The following VIT variants were observed in gnomAD, a reference collection of about 807,000 sequenced individuals.
VIT encodes the protein vitrin.
In VIT, 99 loss-of-function variants were observed where a neutral mutation model predicts 78.0. That is an observed-to-expected ratio of 1.27 (90% CI 1.08 to 1.50). The LOEUF (loss-of-function observed/expected upper bound fraction) is 1.50. Ranked by LOEUF, VIT falls within the 40% of genes most tolerant of loss-of-function variation. The pLI is 0.00. For missense variants in VIT, 1,126 were observed against 875.3 expected (o/e 1.29, Z -3.61); for synonymous variants, 374 against 334.3 (o/e 1.12, Z -1.29).
intron 7 of VIT, among the ~76,000 whole-genome samples, chr2:36,768,043 A>G (rs951451934): frequency 3.3e-5 from 5 of 152,160 alleles, no homozygotes; most frequent in Admixed American, 6.5e-5. Flanking sequence ...GCTCGCCTCC[A>G]GCTTGCAGTC....
intron 14 of VIT, 115 bp downstream of exon 14, chr2:36,805,779 G>C: frequency 8.8e-7 from 1 of 1,136,836 alleles, no homozygotes; most frequent in Non-Finnish European, 1.2e-6. Flanking sequence ...CTCATCTCTA[G>C]GCAGTAAGGC....
chr2:36,749,154 A>G (rs1668311086), intron 4 of VIT, among the ~76,000 whole-genome samples: 1 of 152,224 alleles, frequency 6.6e-6, no homozygotes, highest in Non-Finnish European at 1.5e-5. Flanking sequence ...AAAGTTCTTG[A>G]TGATATAAAC....
chr2:36,722,384 G>A (rs977652347), intron 2 of VIT, among the ~76,000 whole-genome samples: 1 of 152,180 alleles, frequency 6.6e-6, no homozygotes, highest in African/African-American at 2.4e-5. Context: ...TAAAATAAAG[G>A]ATGACCTCCA....
intron 12 of VIT, among the ~76,000 whole-genome samples, chr2:36,795,211 T>C (rs1665786975): frequency 6.6e-6 from 1 of 152,128 alleles, no homozygotes; most frequent in Non-Finnish European, 1.5e-5. Context: ...TTTAAATTTA[T>C]TTGTAATCTC....
chr2:36,776,899 C>A (rs1398335910), intron 9 of VIT, among the ~76,000 whole-genome samples: 1 of 151,188 alleles, frequency 6.6e-6, no homozygotes, highest in Non-Finnish European at 1.5e-5. Flanking sequence ...ACCATCCCGG[C>A]TAACACGGTG....
chr2:36,745,168 C>T (rs1668064335), intron 4 of VIT, among the ~76,000 whole-genome samples: 1 of 151,958 alleles, frequency 6.6e-6, no homozygotes, highest in African/African-American at 2.4e-5. Context: ...TCTTTTCCGT[C>T]GTCTACATGT....
At chr2:36,771,570 A>G (rs2148596194) in intron 7 of VIT, among the ~76,000 whole-genome samples, 1 of 152,078 alleles carries the variant, frequency 6.6e-6, no homozygotes, top group Middle Eastern at 3.4e-3. Context: ...AAAGATGTTC[A>G]GCTTCACCAG....
chr2:36,697,004 ATAGT>A (rs945492097), intron 1 of VIT, 31 bp downstream of exon 1: 1 of 152,202 alleles, frequency 6.6e-6, no homozygotes, highest in African/African-American at 2.4e-5. Context: ...AGCTGTGTAT[ATAGT>A]TACTTTCCAT....
At chr2:36,749,855 A>G (rs1668352454) in intron 4 of VIT, among the ~76,000 whole-genome samples, 1 of 152,202 alleles carries the variant, frequency 6.6e-6, no homozygotes, top group South Asian at 2.1e-4. Context: ...AAGGGAGAGA[A>G]AATATATAAA....
rs766694846 is a variant in VIT at position 36,775,006 on chromosome 2, C to T, written c.741C>T (p.Ile247=). 2.1e-5 allele frequency: 34 copies of T among 1,614,012 alleles called. 1 individual carries two copies. The South Asian group carries it at 3.7e-4, about 18-fold the overall frequency. Residue 247 remains isoleucine (I), a synonymous_variant, in exon 9 of 16, where the codon ATC becomes ATT. Coordinates refer to ENST00000379242, the MANE Select transcript of VIT (RefSeq NM_053276.4). ...SQNRPRADPG[I]QRQDPSGAAF... ...GACCCTGTGTAATCCCCTCAGGTAT[C>T]CAAAGGCAAGATCCTTCAGGAGCTG...
intron 2 of VIT, among the ~76,000 whole-genome samples, chr2:36,725,272 C>T (rs558761297): frequency 1.3e-5 from 2 of 152,288 alleles, no homozygotes; most frequent in African/African-American, 4.8e-5. Flanking sequence ...TTAGTTCATG[C>T]AGTCTGCTAT....
intron 2 of VIT, among the ~76,000 whole-genome samples, chr2:36,725,945 C>A (rs942173895): frequency 2.0e-5 from 3 of 151,984 alleles, no homozygotes; most frequent in African/African-American, 7.3e-5. Flanking sequence ...TTGGTGTCCA[C>A]CTATAATCCC....
intron 4 of VIT, among the ~76,000 whole-genome samples, chr2:36,744,883 C>A (rs988994608): frequency 2.0e-5 from 3 of 152,086 alleles, no homozygotes; most frequent in Admixed American, 2.0e-4. Flanking sequence ...GACATAAATT[C>A]TTTGCCAAGA....
intron 2 of VIT, among the ~76,000 whole-genome samples, chr2:36,720,767 G>C (rs529431832): frequency 2.1e-4 from 32 of 152,270 alleles, no homozygotes; most frequent in African/African-American, 6.7e-4. Context: ...CCAGCACTTT[G>C]GGAGGCCAAG....
chr2:36,728,135 T>A (rs1368217515), intron 2 of VIT, among the ~76,000 whole-genome samples: 1 of 152,050 alleles, frequency 6.6e-6, no homozygotes, highest in Admixed American at 6.6e-5. Flanking sequence ...TTCACCATGT[T>A]GGCCACACTC....
chr2:36,712,944 G>A (rs746613240), intron 1 of VIT, among the ~76,000 whole-genome samples: 5 of 152,158 alleles, frequency 3.3e-5, no homozygotes, highest in African/African-American at 7.2e-5. Context: ...AAGGGAGAGC[G>A]CTCATTACTC....
At chr2:36,747,314 C>A (rs1198597652) in intron 4 of VIT, among the ~76,000 whole-genome samples, 1 of 152,110 alleles carries the variant, frequency 6.6e-6, no homozygotes, top group Admixed American at 6.6e-5. Flanking sequence ...CTATTAGAGC[C>A]AACTGATCAA....
intron 11 of VIT, among the ~76,000 whole-genome samples, chr2:36,785,749 C>T (rs548357086): frequency 4.3e-4 from 65 of 152,308 alleles, no homozygotes; most frequent in African/African-American, 1.5e-3. Context: ...CAGTGCCAGA[C>T]GGGTCCCTCT....
intron 3 of VIT, among the ~76,000 whole-genome samples, chr2:36,732,463 G>A (rs1667268482): frequency 6.6e-6 from 1 of 152,204 alleles, no homozygotes; most frequent in African/African-American, 2.4e-5. Context: ...AAAACTCGGA[G>A]ATATCTGATT....
Sources: allele counts gnomAD v4.1 joint callset (sites outside exome capture counted in the v4.1 genomes callset), GRCh38; gene constraint gnomAD v4.1.1; transcripts MANE v1.5; gene names NCBI Gene and HGNC (gene_info 2026-07-23, HGNC 2026-07-21).